CYP19A1: variants seen among roughly 807,000 people sequenced by gnomAD.
The protein encoded by CYP19A1 is aromatase.
CYP19A1 carries 32 observed loss-of-function variants against 44.4 expected under a neutral mutation model. The observed-to-expected ratio is 0.72, with a 90% CI of 0.54 to 0.97. The LOEUF is 0.97. Among genes scored for constraint, CYP19A1 ranks in the 50% least tolerant of loss-of-function variants. The pLI is 0.00. For synonymous variants in CYP19A1, 212 were observed against 215.6 expected, an observed-to-expected ratio of 0.98 and a Z score of 0.14; for missense variants, 598 against 637.8, an observed-to-expected ratio of 0.94 and a Z score of 0.67.
chr15:51,333,764 G>C (rs2036736858), intron 1 of CYP19A1, among the ~76,000 whole-genome samples: 1 of 152,058 alleles, frequency 6.6e-6, no homozygotes, highest in Non-Finnish European at 1.5e-5. Context: ...CAGCAGATGG[G>C]GTGTCATCTT....
At chr15:51,220,499 T>G (rs972856675) in intron 5 of CYP19A1, among the ~76,000 whole-genome samples, 4 of 152,234 alleles carry the variant, frequency 2.6e-5, no homozygotes, top group African/African-American at 9.6e-5. Context: ...AATGAATGTA[T>G]GAATCAATGA....
chr15:51,221,638 G>A (rs1371878383), intron 5 of CYP19A1: 1 of 152,174 alleles, frequency 6.6e-6, no homozygotes, highest in Non-Finnish European at 1.5e-5. Flanking sequence ...TTGCAAATTG[G>A]TTTAATCCTG....
intron 1 of CYP19A1, among the ~76,000 whole-genome samples, chr15:51,253,554 T>A (rs2034405945): frequency 6.6e-6 from 1 of 152,164 alleles, no homozygotes; most frequent in Non-Finnish European, 1.5e-5. Flanking sequence ...CCAGTGCCCC[T>A]TCCCACCCAC....
intron 1 of CYP19A1, among the ~76,000 whole-genome samples, chr15:51,316,690 G>C (rs1201291625): frequency 1.3e-5 from 2 of 151,468 alleles, no homozygotes; most frequent in South Asian, 4.2e-4. Context: ...AGCAGCCTGG[G>C]CAACATGGGG....
intron 4 of CYP19A1, among the ~76,000 whole-genome samples, chr15:51,227,230 A>T (rs1418391792): frequency 1.3e-5 from 2 of 152,108 alleles, no homozygotes; most frequent in African/African-American, 2.4e-5. Context: ...TGGGCAAGTT[A>T]CTTAACCTCA....
intron 1 of CYP19A1, among the ~76,000 whole-genome samples, chr15:51,254,100 C>T (rs1431906567): frequency 6.6e-6 from 1 of 152,082 alleles, no homozygotes; most frequent in African/African-American, 2.4e-5. Context: ...TAGTCGACCC[C>T]AGTTTCTAAT....
chr15:51,324,494 G>A (rs2036577483), intron 1 of CYP19A1, among the ~76,000 whole-genome samples: 1 of 152,218 alleles, frequency 6.6e-6, no homozygotes, highest in East Asian at 1.9e-4. Flanking sequence ...ATTAAGTAAT[G>A]TACCCTGTGT....
intron 1 of CYP19A1, among the ~76,000 whole-genome samples, chr15:51,337,606 G>C (rs1368370196): frequency 6.6e-6 from 1 of 152,198 alleles, no homozygotes; most frequent in Non-Finnish European, 1.5e-5. Context: ...GACTGGCCTA[G>C]GAAGTCAAGG....
At position 51,220,660 on chromosome 15, in the gene CYP19A1, G is replaced by T. The variant is rs1201367767; in HGVS notation, c.628+1689C>A. Among the ~76,000 whole-genome samples the T allele has an allele frequency of 2.0e-5, 3 of 152,274 alleles. No homozygotes were observed. The East Asian group carries it at 5.8e-4, about 29-fold the overall frequency. On this transcript the variant is annotated intron_variant, in intron 5 of 9. Coordinates refer to ENST00000396402, the MANE Select transcript of CYP19A1 (RefSeq NM_000103.4). ...GTAACTGTAATATTTTGATAAATTTGTATAATGTGTAATAACCAAATCAGG... is the reference window on the plus strand; with the variant it reads ...GTAACTGTAATATTTTGATAAATTTTTATAATGTGTAATAACCAAATCAGG...
chr15:51,282,731 G>A (rs1191372420), intron 1 of CYP19A1, among the ~76,000 whole-genome samples: 1 of 152,240 alleles, frequency 6.6e-6, no homozygotes, highest in African/African-American at 2.4e-5. Flanking sequence ...CCTGGTGAAG[G>A]AACACTAGAG....
chr15:51,236,592 T>C (rs942329257), intron 3 of CYP19A1, among the ~76,000 whole-genome samples: 5 of 152,244 alleles, frequency 3.3e-5, no homozygotes, highest in Admixed American at 6.5e-5. Context: ...ATCTGGCTTC[T>C]AAGTTTCCAC....
intron 1 of CYP19A1, among the ~76,000 whole-genome samples, chr15:51,249,155 G>A (rs924181743): frequency 3.9e-5 from 6 of 151,976 alleles, no homozygotes; most frequent in Non-Finnish European, 4.4e-5. Flanking sequence ...TGGCCAAGCT[G>A]GTCTCGAACT....
intron 1 of CYP19A1, among the ~76,000 whole-genome samples, chr15:51,294,602 C>CAGCCAGCCGCCGCGTCT (rs1271111384): frequency 5.8e-5 from 8 of 138,314 alleles, no homozygotes; most frequent in South Asian, 2.4e-4. Context: ...GCCCCCCGCC[C>CAGCCAGCCGCCGCGTCT]GGCCAGCTGC....
rs571326256 is a variant in CYP19A1, at chr15:51,210,087, T to C, written c.*721A>G. The C allele has an allele frequency of 2.6e-4, 68 of 262,992 alleles. No individual in the cohort carries two copies. The highest frequency in any genetic ancestry group is 1.5e-3 in the African/African-American group (65 of 43,884). The allele number at this position is 262,992 out of a possible 1,614,324, so 16.3% of individuals were successfully genotyped here. A position where few individuals can be genotyped will look rare whatever the true frequency, so the allele number is the denominator to read the frequency against. On this transcript the variant is annotated 3_prime_UTR_variant, in exon 10 of 10. Transcript: ENST00000396402. ...TATTACTAAATTAGTTTGTATTACT[T>C]GATGATTATATATAGTTTGTATTAC...
chr15:51,258,618 T>C (rs1458598758), intron 1 of CYP19A1, among the ~76,000 whole-genome samples: 1 of 113,384 alleles, frequency 8.8e-6, no homozygotes, highest in African/African-American at 4.2e-5. Flanking sequence ...TCAGCAGAGC[T>C]TGGACTGGAG....
intron 1 of CYP19A1, among the ~76,000 whole-genome samples, chr15:51,295,312 G>C (rs572521946): frequency 9.2e-5 from 14 of 152,202 alleles, no homozygotes; most frequent in African/African-American, 3.4e-4. Context: ...CAATGCACAG[G>C]AGCGCAGACC....
intron 1 of CYP19A1, chr15:51,324,018 G>A (rs1451917946): frequency 3.9e-5 from 6 of 152,194 alleles, no homozygotes; most frequent in African/African-American, 1.4e-4. Flanking sequence ...GGGACCTGGG[G>A]ATCTTGCTTT....
intron 1 of CYP19A1, among the ~76,000 whole-genome samples, chr15:51,334,502 G>A (rs2036747659): frequency 6.6e-6 from 1 of 152,216 alleles, no homozygotes; most frequent in African/African-American, 2.4e-5. Flanking sequence ...GAGCTTTGCA[G>A]TATTAACTTA....
chr15:51,312,537 TC>T (rs1420246358), intron 1 of CYP19A1: 1 of 152,338 alleles, frequency 6.6e-6, no homozygotes, highest in Non-Finnish European at 1.5e-5. Flanking sequence ...AAATTTGTCC[TC>T]TTTCCCATCA....
Sources: allele counts gnomAD v4.1 joint callset (sites outside exome capture counted in the v4.1 genomes callset), GRCh38; gene constraint gnomAD v4.1.1; transcripts MANE v1.5; gene names NCBI Gene and HGNC (gene_info 2026-07-23, HGNC 2026-07-21).